ESRRG: variants seen among roughly 807,000 people sequenced by gnomAD.
ESRRG encodes the protein estrogen related receptor gamma.
In ESRRG, 13 loss-of-function variants were observed where a neutral mutation model predicts 44.0. The observed-to-expected ratio is 0.30, with a 90% CI of 0.19 to 0.47. The LOEUF is 0.47. ESRRG is among the 20% of genes least tolerant of loss of function. The pLI is 1.00. For missense variants in ESRRG, 395 were observed against 580.6 expected (o/e 0.68, Z 3.29); for synonymous variants, 215 against 214.6 (o/e 1.00, Z -0.02).
intron 1 of ESRRG, among the ~76,000 whole-genome samples, chr1:216,949,684 A>G (rs1446610779): frequency 1.3e-5 from 2 of 152,186 alleles, no homozygotes; most frequent in Non-Finnish European, 1.5e-5. Context: ...CATTTCTGTG[A>G]GCTTGTCTCT....
chr1:216,584,311 C>T (rs1005420741), intron 3 of ESRRG, among the ~76,000 whole-genome samples: 6 of 150,316 alleles, frequency 4.0e-5, no homozygotes, highest in Non-Finnish European at 7.4e-5. Flanking sequence ...GGCTGGAGTG[C>T]AGTGGCGTGA....
chr1:216,699,531 T>C (rs1284435970), intron 1 of ESRRG, among the ~76,000 whole-genome samples: 1 of 152,126 alleles, frequency 6.6e-6, no homozygotes, highest in African/African-American at 2.4e-5. Flanking sequence ...CTCTTGATGT[T>C]GAAAGAGGAA....
intron 3 of ESRRG, among the ~76,000 whole-genome samples, chr1:216,609,064 T>G (rs1424548201): frequency 6.6e-6 from 1 of 152,202 alleles, no homozygotes; most frequent in Non-Finnish European, 1.5e-5. Flanking sequence ...AAACTAACAC[T>G]TGGTAATGAA....
chr1:217,008,480 G>A (rs2078080856), intron 1 of ESRRG, among the ~76,000 whole-genome samples: 1 of 152,234 alleles, frequency 6.6e-6, no homozygotes, highest in South Asian at 2.1e-4. Context: ...AGATTTCCTT[G>A]AAGTGGCATA....
At chr1:216,527,758 G>A (rs184570525) in intron 5 of ESRRG, among the ~76,000 whole-genome samples, 34 of 152,146 alleles carry the variant, frequency 2.2e-4, no homozygotes, top group Admixed American at 1.6e-3. Context: ...TGCCATGATC[G>A]TTGTCACTGG....
intron 3 of ESRRG, among the ~76,000 whole-genome samples, chr1:216,620,017 A>G (rs1323025737): frequency 6.6e-6 from 1 of 152,158 alleles, no homozygotes; most frequent in Non-Finnish European, 1.5e-5. Flanking sequence ...TAATCCTGTT[A>G]TTAGGTACTA....
chr1:216,603,289 A>C (rs2059486388), intron 3 of ESRRG, among the ~76,000 whole-genome samples: 1 of 152,174 alleles, frequency 6.6e-6, no homozygotes, highest in African/African-American at 2.4e-5. Context: ...TTCTACACAA[A>C]ATTTTTCAAA....
chr1:216,953,609 G>A (rs951245584), intron 1 of ESRRG, among the ~76,000 whole-genome samples: 15 of 151,886 alleles, frequency 9.9e-5, no homozygotes, highest in African/African-American at 3.4e-4. Context: ...TTTGAACTGA[G>A]GCATGGTCTT....
At chr1:216,631,243 A>G (rs549762839) in intron 3 of ESRRG, among the ~76,000 whole-genome samples, 28 of 152,292 alleles carry the variant, frequency 1.8e-4, no homozygotes, top group African/African-American at 6.5e-4. Context: ...AAAAATAGTC[A>G]CAGGAAGTTG....
chr1:216,897,888 C>T (rs1037257379), intron 2 of ESRRG, among the ~76,000 whole-genome samples: 1 of 152,146 alleles, frequency 6.6e-6, no homozygotes. Context: ...GCCTAGCAGC[C>T]AAGGAAACAG....
At chr1:216,546,759 A>G (rs1458104779) in intron 5 of ESRRG, among the ~76,000 whole-genome samples, 1 of 151,916 alleles carries the variant, frequency 6.6e-6, no homozygotes, top group Non-Finnish European at 1.5e-5. Flanking sequence ...GTGGATAATG[A>G]TCAGGGTTTG....
chr1:216,688,206 G>A (rs1221526285), intron 1 of ESRRG, among the ~76,000 whole-genome samples: 1 of 152,190 alleles, frequency 6.6e-6, no homozygotes, highest in Non-Finnish European at 1.5e-5. Flanking sequence ...ATGACAAGGT[G>A]CTGTGTAAAA....
Position 216,848,709 on chromosome 1 carries a change from A to G in ESRRG, c.-14+90873T>C, listed in dbSNP as rs1301350237. ...ATTTGCAGCAAAGCTCATATTTACT[A>G]TATTTAGTGTGAATAATTGACTGCA... On this transcript the variant is annotated intron_variant, in intron 2 of 7. Coordinates refer to the ESRRG transcript ENST00000359162. Among the ~76,000 whole-genome samples the G allele has an allele frequency of 4.6e-5, 7 of 152,050 alleles. No individual in the cohort carries two copies. In the East Asian group the frequency reaches 1.2e-3, roughly 25 times the overall value.
chr1:216,933,511 T>C (rs1014234954), intron 2 of ESRRG, among the ~76,000 whole-genome samples: 1 of 152,118 alleles, frequency 6.6e-6, no homozygotes, highest in Admixed American at 6.5e-5. Flanking sequence ...CATGGCTGAT[T>C]TGAGCTACCA....
At chr1:216,986,773 T>C (rs898974472) in intron 1 of ESRRG, among the ~76,000 whole-genome samples, 1 of 151,988 alleles carries the variant, frequency 6.6e-6, no homozygotes, top group African/African-American at 2.4e-5. Flanking sequence ...GGGCTTGAAA[T>C]GCATAGACCT....
chr1:216,885,277 A>C (rs2096498822), intron 2 of ESRRG, among the ~76,000 whole-genome samples: 1 of 152,220 alleles, frequency 6.6e-6, no homozygotes, highest in African/African-American at 2.4e-5. Flanking sequence ...ACACTATATG[A>C]GAATATATAG....
intron 5 of ESRRG, among the ~76,000 whole-genome samples, chr1:216,544,888 A>G (rs558535721): frequency 6.6e-6 from 1 of 152,124 alleles, no homozygotes; most frequent in Admixed American, 6.6e-5. Flanking sequence ...GCATAAAACT[A>G]TGGTTTTATG....
chr1:216,819,497 T>G (rs1044925306), intron 2 of ESRRG, among the ~76,000 whole-genome samples: 1 of 152,230 alleles, frequency 6.6e-6, no homozygotes, highest in African/African-American at 2.4e-5. Flanking sequence ...TTTCACTTCA[T>G]GGAATGGTCC....
chr1:216,630,898 A>G (rs1043659056), intron 3 of ESRRG, among the ~76,000 whole-genome samples: 2 of 147,110 alleles, frequency 1.4e-5, no homozygotes, highest in African/African-American at 2.5e-5. Flanking sequence ...TAATTTCTCC[A>G]TAGATAAAAG....
Sources: gnomAD v4.1 joint callset for allele counts (sites outside exome capture counted in the v4.1 genomes callset) on GRCh38, gnomAD v4.1.1 for gene constraint, MANE v1.5 for transcripts, NCBI Gene and HGNC (gene_info 2026-07-23, HGNC 2026-07-21) for gene names.